Variants in SLCO4C1 observed in about 807,000 individuals in gnomAD.
The protein encoded by SLCO4C1 is organic anion transporter M1.
A neutral mutation model predicts 72.1 loss-of-function variants in SLCO4C1; 58 were observed. That is an observed-to-expected ratio of 0.80 (90% CI 0.65 to 1.00). SLCO4C1 has a LOEUF of 1.00. Among genes scored for constraint, SLCO4C1 ranks in the 50% least tolerant of loss-of-function variants. SLCO4C1 has a pLI of 0.00. For synonymous variants in SLCO4C1, 297 were observed against 312.5 expected (o/e 0.95, Z 0.52); for missense variants, 898 against 857.9 (o/e 1.05, Z -0.58).
chr5:102,291,622 G>A lies in SLCO4C1; in HGVS notation c.356-16C>T, dbSNP rs182206006. On this transcript the variant is annotated splice_polypyrimidine_tract_variant and intron_variant, in intron 1 of 12. Coordinates refer to ENST00000310954, the MANE Select transcript of SLCO4C1 (RefSeq NM_180991.5). The stretch of plus-strand genomic sequence containing the variant: ...ACTACAATACCTAAAAAACAGAAAA[G>A]TTGATGTGCATCATTAATATTTTAC... 3 of 1,582,448 alleles carry A rather than the reference G, an allele frequency of 1.9e-6. No homozygotes were observed. The highest frequency in any genetic ancestry group is 2.3e-5 in the East Asian group (1 of 44,416).
chr5:102,285,944 C>G (rs1398375360), intron 2 of SLCO4C1, among the ~76,000 whole-genome samples: 1 of 152,070 alleles, frequency 6.6e-6, no homozygotes, highest in Admixed American at 6.6e-5. Context: ...CTCTAAAATT[C>G]TTTGCCCTAG....
chr5:102,273,110 GAC>G (rs1749183977), intron 2 of SLCO4C1, among the ~76,000 whole-genome samples: 1 of 151,908 alleles, frequency 6.6e-6, no homozygotes, highest in Non-Finnish European at 1.5e-5. Context: ...AAAGAATAGA[GAC>G]TGTGAGAATT....
At chr5:102,245,356 A>G (rs1318871913) in intron 10 of SLCO4C1, among the ~76,000 whole-genome samples, 3 of 152,172 alleles carry the variant, frequency 2.0e-5, no homozygotes, top group Non-Finnish European at 4.4e-5. Flanking sequence ...GGAAAAACAC[A>G]TTCCATGCCA....
intron 10 of SLCO4C1, among the ~76,000 whole-genome samples, chr5:102,241,752 A>T (rs1748543618): frequency 6.6e-6 from 1 of 152,178 alleles, no homozygotes; most frequent in South Asian, 2.1e-4. Flanking sequence ...ACAATCCTAA[A>T]ATTCATATGG....
intron 2 of SLCO4C1, among the ~76,000 whole-genome samples, chr5:102,280,090 C>CA (rs36217271): frequency 0.011 from 786 of 68,774 alleles, 17 homozygotes; most frequent in Middle Eastern, 0.035. Flanking sequence ...TGCAATAAGG[C>CA]AAAAAAAAAA....
At chr5:102,285,246 TACACAC>T (rs1749429708) in intron 2 of SLCO4C1, among the ~76,000 whole-genome samples, 1 of 124,228 alleles carries the variant, frequency 8.0e-6, no homozygotes, top group African/African-American at 3.6e-5. Flanking sequence ...CACAAATATA[TACACAC>T]ATATATACAC....
intron 6 of SLCO4C1, among the ~76,000 whole-genome samples, chr5:102,259,682 G>A (rs971539459): frequency 6.6e-6 from 1 of 151,976 alleles, no homozygotes; most frequent in East Asian, 1.9e-4. Context: ...CTTTAGCCTC[G>A]AATTCAAAAG....
In SLCO4C1 at chr5:102,257,801, G is replaced by A. The variant is rs547804656; in HGVS notation, c.1273+142C>T. ...GCTCGGCTAATTTTTATGTTTTTTGGTACAGACAGGGTTTCACCATGTTGG... is the reference window on the plus strand; with the variant it reads ...GCTCGGCTAATTTTTATGTTTTTTGATACAGACAGGGTTTCACCATGTTGG... On this transcript the variant is annotated intron_variant, in intron 7 of 12. Transcript: ENST00000310954. The A allele has an allele frequency of 2.5e-4, 181 of 732,576 alleles. 1 individual carries two copies. Among genetic ancestry groups the A allele is most frequent in the Admixed American group, 2.1e-3 (65 of 30,248 alleles). The allele number at this position is 732,576 out of a possible 1,614,324, so 45.4% of individuals were successfully genotyped here.
At chr5:102,259,512 G>C (rs1488234344) in intron 6 of SLCO4C1, among the ~76,000 whole-genome samples, 2 of 151,988 alleles carry the variant, frequency 1.3e-5, no homozygotes, top group African/African-American at 2.4e-5. Flanking sequence ...ACATTTTAAG[G>C]CTTTTATTTG....
rs751557035 is a variant in SLCO4C1, at chr5:102,270,687, A to T, written c.739T>A (p.Tyr247Asn). The part of the protein sequence containing the change: ...LLLGAGGTPL[Y>N]TLGTAFLDDS... The stretch of plus-strand genomic sequence containing the variant: ...TCAAGAAAGGCTGTTCCCAGAGTAT[A>T]AAGAGGAGTTCCTCCTGCCCCCAGC... Residue 247 changes from tyrosine to asparagine, a missense_variant, in exon 3 of 13, where the codon TAT becomes AAT. Tyr to Asn is a moderately radical substitution (Grantham distance 143). Coordinates refer to ENST00000310954, the MANE Select transcript of SLCO4C1 (RefSeq NM_180991.5). 2.5e-6 allele frequency: 4 copies of T among 1,613,272 alleles called. No homozygotes were observed. The African/African-American group carries it at 4.0e-5, about 16-fold the overall frequency.
intron 2 of SLCO4C1, among the ~76,000 whole-genome samples, chr5:102,279,284 A>T (rs1250844293): frequency 6.6e-6 from 1 of 152,042 alleles, no homozygotes; most frequent in Non-Finnish European, 1.5e-5. Context: ...ATATCTACTC[A>T]CCCAAAACGA....
intron 8 of SLCO4C1, among the ~76,000 whole-genome samples, chr5:102,255,409 T>A (rs1256625392): frequency 1.3e-5 from 2 of 152,178 alleles, no homozygotes; most frequent in Non-Finnish European, 2.9e-5. Flanking sequence ...AACTTCCTTT[T>A]TTTTCTAAAA....
chr5:102,242,570 C>A (rs1748565662), intron 10 of SLCO4C1, among the ~76,000 whole-genome samples: 1 of 152,142 alleles, frequency 6.6e-6, no homozygotes, highest in African/African-American at 2.4e-5. Context: ...CCTTAGGTCC[C>A]AGAAAATATT....
intron 8 of SLCO4C1, among the ~76,000 whole-genome samples, chr5:102,255,616 G>A (rs1748819322): frequency 6.6e-6 from 1 of 151,948 alleles, no homozygotes. Context: ...TTATAACCTT[G>A]GTTTAGCATA....
At position 102,263,749 on chromosome 5, in the gene SLCO4C1, A is replaced by G; in HGVS notation, c.834T>C (p.Pro278=). The change falls in exon 4 of 13, where the codon CCT becomes CCC. Residue 278 remains proline, a synonymous_variant. Coordinates refer to ENST00000310954, the MANE Select transcript of SLCO4C1 (RefSeq NM_180991.5). The part of the protein sequence containing the change: ...GTGYAMSILG[P]AIGYVLGGQL... ...GTCCTCCCAATACATAGCCAATAGC[A>G]GGGCCTAAGATTGACATAGCATAAC... 6.2e-7 allele frequency: 1 copy of G among 1,612,888 alleles called. No homozygotes were observed. Among genetic ancestry groups the G allele is most frequent in the African/African-American group, 1.3e-5 (1 of 74,982 alleles).
intron 3 of SLCO4C1, 123 bp from the exon 4 acceptor site, chr5:102,263,903 A>G (rs1190932875): frequency 1.1e-5 from 7 of 665,384 alleles, no homozygotes; most frequent in African/African-American, 3.7e-5. Flanking sequence ...AAAATCACAC[A>G]TATTTTCACT....
In SLCO4C1 at chr5:102,270,619, C is replaced by G. The variant is rs1398950797; in HGVS notation, c.802+5G>C. 1 of 1,595,970 alleles carries G rather than the reference C, an allele frequency of 6.3e-7. No homozygotes were observed. The highest frequency in any genetic ancestry group is 1.7e-4 in the Middle Eastern group (1 of 5,976). On this transcript the variant is annotated splice_donor_5th_base_variant and intron_variant, in intron 3 of 12. Transcript: ENST00000310954. The stretch of plus-strand genomic sequence containing the variant: ...ATACTGAGACAGTTTAGAGAGTAAA[C>G]TTACCTATATAGAGAGAAGACTTGT...
chr5:102,257,337 T>G (rs768250695), intron 7 of SLCO4C1, 27 bp from the exon 8 acceptor site: 2 of 1,548,798 alleles, frequency 1.3e-6, no homozygotes, highest in South Asian at 2.5e-5. Context: ...ATGTAGATTG[T>G]GAGAAACCAT....
chr5:102,279,588 A>C (rs1392714440), intron 2 of SLCO4C1, among the ~76,000 whole-genome samples: 1 of 152,024 alleles, frequency 6.6e-6, no homozygotes, highest in Non-Finnish European at 1.5e-5. Context: ...TAAAATCCAC[A>C]AAAACTACAA....
Sources: allele counts gnomAD v4.1 joint callset (sites outside exome capture counted in the v4.1 genomes callset), GRCh38; gene constraint gnomAD v4.1.1; transcripts MANE v1.5; gene names NCBI Gene and HGNC (gene_info 2026-07-23, HGNC 2026-07-21).